VSIG8: variants seen among roughly 807,000 people sequenced by gnomAD.
VSIG8 encodes the protein V-set and immunoglobulin domain containing 8, also known as V-set and immunoglobulin domain-containing protein 8.
In VSIG8, 32 loss-of-function variants were observed where a neutral mutation model predicts 42.6. The ratio of observed to expected loss-of-function variants is 0.75; its 90% CI spans 0.57 to 1.01. VSIG8 has a LOEUF of 1.01. VSIG8 is among the 50% of genes least tolerant of loss of function. The pLI, the probability that VSIG8 is intolerant of heterozygous loss-of-function variation, is 0.00. For missense variants in VSIG8, 529 were observed against 558.0 expected (o/e 0.95, Z 0.52); for synonymous variants, 290 against 243.8 (o/e 1.19, Z -1.77).
chr1:159,861,611 T>C (rs963085643), intron 1 of VSIG8: 2 of 151,862 alleles, frequency 1.3e-5, no homozygotes, highest in African/African-American at 4.8e-5. Flanking sequence ...CACATACACA[T>C]TCACGCTCAC....
rs1242900788 is a variant in VSIG8, at chr1:159,854,546, C to A, written c.*207G>T. The A allele has an allele frequency of 1.2e-5, 12 of 1,026,006 alleles. No individual in the cohort carries two copies. Among genetic ancestry groups the A allele is most frequent in the Non-Finnish European group, 1.4e-5 (11 of 772,664 alleles). 63.6% of individuals were successfully genotyped at this position (1,026,006 alleles called of 1,614,324 possible). A position where few individuals can be genotyped will look rare whatever the true frequency, so the allele number is the denominator to read the frequency against. On this transcript the variant is annotated 3_prime_UTR_variant, in exon 7 of 7. Coordinates refer to ENST00000368100, the MANE Select transcript of VSIG8 (RefSeq NM_001013661.1). The stretch of plus-strand genomic sequence containing the variant: ...GGGTGCGGAGAAGGCTCAGGATCGC[C>A]TTCCTCCGCCCTCGCCCGCCCCTTC...
intron 1 of VSIG8, chr1:159,861,097 G>A (rs1270068887): frequency 6.6e-6 from 1 of 152,244 alleles, no homozygotes; most frequent in African/African-American, 2.4e-5. Flanking sequence ...AAGTACTACA[G>A]GGAATGTGAG....
At chr1:159,861,317 T>A (rs1649015170) in intron 1 of VSIG8, 1 of 152,106 alleles carries the variant, frequency 6.6e-6, no homozygotes. Context: ...AAATTCTTTC[T>A]GAATCTTCAA....
chr1:159,855,785 G>A, intron 6 of VSIG8, 98 bp downstream of exon 6: 6 of 1,434,580 alleles, frequency 4.2e-6, no homozygotes, highest in African/African-American at 1.5e-5. Flanking sequence ...GGCAGGGTTG[G>A]GGTGGGGGGC....
At chr1:159,859,677 G>A (rs1648961361) in intron 1 of VSIG8, among the ~76,000 whole-genome samples, 1 of 152,196 alleles carries the variant, frequency 6.6e-6, no homozygotes, top group Non-Finnish European at 1.5e-5. Context: ...GAGTGATGGT[G>A]TGTGCCTGGG....
Position 159,856,713 on chromosome 1 carries a change from G to A in VSIG8, c.653-70C>T, listed in dbSNP as rs142557927. The A allele has an allele frequency of 4.8e-4, 755 of 1,582,278 alleles. 6 individuals carry two copies. In the South Asian group the frequency reaches 4.9e-3, roughly 10 times the overall value. ...CCCAACCTCAGTCCCTGTGGGGTGG[G>A]GGATGGGACACCCACTCTAGAAGAA... On this transcript the variant is annotated intron_variant, in intron 4 of 6. Coordinates refer to ENST00000368100, the MANE Select transcript of VSIG8 (RefSeq NM_001013661.1).
At chr1:159,861,328 G>C (rs957034493) in intron 1 of VSIG8, 7 of 151,976 alleles carry the variant, frequency 4.6e-5, no homozygotes, top group Admixed American at 3.9e-4. Flanking sequence ...GAATCTTCAA[G>C]GTGCTTCCAG....
At chr1:159,855,837 C>T in intron 6 of VSIG8, 46 bp downstream of exon 6, 1 of 1,502,618 alleles carries the variant, frequency 6.7e-7, no homozygotes, top group Non-Finnish European at 8.8e-7. Flanking sequence ...GGGCAGGGCG[C>T]CGGTTCCCTG....
chr1:159,859,535 T>A (rs145631044), intron 1 of VSIG8, among the ~76,000 whole-genome samples: 1 of 152,190 alleles, frequency 6.6e-6, no homozygotes, highest in Non-Finnish European at 1.5e-5. Context: ...TGTGGCTGTA[T>A]GCCTCTGTGT....
intron 1 of VSIG8, chr1:159,862,200 G>A (rs1404375636): frequency 2.5e-6 from 1 of 392,622 alleles, no homozygotes; most frequent in Non-Finnish European, 4.5e-6. Context: ...TGAGCTTGCA[G>A]GGCACCTGCA....
chr1:159,859,058 G>A lies in VSIG8; in HGVS notation c.50-146C>T. The A allele has an allele frequency of 1.2e-5, 9 of 760,714 alleles. No individual in the cohort carries two copies. The South Asian group carries it at 1.8e-4, about 15-fold the overall frequency. 47.1% of individuals were successfully genotyped at this position (760,714 alleles called of 1,614,324 possible). On this transcript the variant is annotated intron_variant, in intron 1 of 6. Transcript: ENST00000368100. Reference sequence around the variant, plus strand: ...ATAAAAAGGAGGGCTGCTCGTAGTGGGTGTGTATGTGTGTGTGCATGAATT... The same window carrying A: ...ATAAAAAGGAGGGCTGCTCGTAGTGAGTGTGTATGTGTGTGTGCATGAATT...
intron 2 of VSIG8, 40 bp downstream of exon 2, chr1:159,858,694 T>A (rs372085309): frequency 2.8e-5 from 44 of 1,567,120 alleles, no homozygotes; most frequent in Admixed American, 2.1e-4. Context: ...GTAGACATCA[T>A]GAAGCCTAGA....
rs547426977 is a variant in VSIG8 at position 159,856,032 on chromosome 1, G to T, written c.822C>A (p.Leu274=). ...VIIGIVLGSL[L]ALGCLAVGIW... ...TGCCTACGGCCAGGCAGCCCAGCGC[G>T]AGCAGAGAGCCCAGGACGATGCCGA... Residue 274 remains leucine, a synonymous_variant, in exon 6 of 7, where the codon CTC becomes CTA. Transcript: ENST00000368100. 1.4e-5 allele frequency: 22 copies of T among 1,611,992 alleles called. 2 individuals are homozygous for T. In the South Asian group the frequency reaches 2.0e-4, roughly 15 times the overall value.
intron 6 of VSIG8, chr1:159,855,467 C>G (rs1648785913): frequency 2.2e-6 from 3 of 1,393,114 alleles, no homozygotes; most frequent in Non-Finnish European, 2.8e-6. Context: ...ATCATTAGCA[C>G]TACTAGACTT....
chr1:159,857,188 C>T (rs969295680), intron 4 of VSIG8, among the ~76,000 whole-genome samples: 11 of 152,136 alleles, frequency 7.2e-5, no homozygotes, highest in Non-Finnish European at 1.6e-4. Flanking sequence ...AGCCAGGATT[C>T]AAGCCCAGCT....
chr1:159,856,937 T>C (rs1648852228), intron 4 of VSIG8, among the ~76,000 whole-genome samples: 1 of 152,224 alleles, frequency 6.6e-6, no homozygotes, highest in Non-Finnish European at 1.5e-5. Context: ...TCCTCCTTTG[T>C]ACAGTGAGGA....
chr1:159,862,204 AC>A, intron 1 of VSIG8: 1 of 400,660 alleles, frequency 2.5e-6, no homozygotes, highest in Non-Finnish European at 4.4e-6. Flanking sequence ...CTTGCAGGGC[AC>A]CTGCACACAT....
chr1:159,862,214 A>G lies in VSIG8; in HGVS notation c.49+259T>C, dbSNP rs572277734. 1.9e-4 allele frequency: 81 copies of G among 417,888 alleles called. 3 individuals carry two copies. The South Asian group carries it at 5.8e-3, about 30-fold the overall frequency. 25.9% of individuals were successfully genotyped at this position (417,888 alleles called of 1,614,324 possible). On this transcript the variant is annotated intron_variant, in intron 1 of 6. Coordinates refer to ENST00000368100, the MANE Select transcript of VSIG8 (RefSeq NM_001013661.1). ...ATGAGCTTGCAGGGCACCTGCACACATGTGTGAGCCCGACAGGGGACATAT... is the reference window on the plus strand; with the variant it reads ...ATGAGCTTGCAGGGCACCTGCACACGTGTGTGAGCCCGACAGGGGACATAT...
chr1:159,860,903 C>T (rs1649002822), intron 1 of VSIG8: 1 of 152,362 alleles, frequency 6.6e-6, no homozygotes, highest in Admixed American at 6.5e-5. Flanking sequence ...AAAGCACCTC[C>T]ACCCTGCACC....
Sources: gnomAD v4.1 joint callset for allele counts (sites outside exome capture counted in the v4.1 genomes callset) on GRCh38, gnomAD v4.1.1 for gene constraint, MANE v1.5 for transcripts, NCBI Gene and HGNC (gene_info 2026-07-23, HGNC 2026-07-21) for gene names.